The following CALN1 variants were observed in gnomAD, a reference collection of about 807,000 sequenced individuals.
The protein encoded by CALN1 is calcium-binding protein 8.
CALN1 carries 17 observed loss-of-function variants against 30.6 expected under a neutral mutation model. The observed-to-expected ratio is 0.56, with a 90% confidence interval of 0.38 to 0.83. The LOEUF (loss-of-function observed/expected upper bound fraction) is 0.83. Among genes scored for constraint, CALN1 ranks in the 40% least tolerant of loss-of-function variants. CALN1 has a pLI of 0.00. For synonymous variants in CALN1, 156 were observed against 131.4 expected, an observed-to-expected ratio of 1.19 and a Z score of -1.28; for missense variants, 291 against 354.9, an observed-to-expected ratio of 0.82 and a Z score of 1.45.
chr7:72,075,733 G>A (rs533781319), intron 4 of CALN1, among the ~76,000 whole-genome samples: 3 of 152,302 alleles, frequency 2.0e-5, no homozygotes, highest in African/African-American at 7.2e-5. Context: ...GCTTCTCACT[G>A]TCAAGTTTGC....
chr7:71,789,279 T>A (rs1030069459), intron 6 of CALN1, among the ~76,000 whole-genome samples: 4 of 152,146 alleles, frequency 2.6e-5, no homozygotes, highest in Admixed American at 2.6e-4. Context: ...TAGCTGGGTA[T>A]GGTGGCACAT....
At chr7:72,280,031 G>C (rs901746885) in intron 2 of CALN1, among the ~76,000 whole-genome samples, 2 of 152,212 alleles carry the variant, frequency 1.3e-5, no homozygotes, top group Non-Finnish European at 2.9e-5. Context: ...GTTAGTGACA[G>C]AAGTTGTTCT....
chr7:72,200,051 T>C (rs1455484730), intron 3 of CALN1, among the ~76,000 whole-genome samples: 1 of 152,220 alleles, frequency 6.6e-6, no homozygotes, highest in Non-Finnish European at 1.5e-5. Context: ...GCAGCTTCTA[T>C]GGCAGTCTGC....
intron 2 of CALN1, chr7:72,336,761 G>C (rs1199502160): frequency 3.0e-6 from 3 of 985,224 alleles, no homozygotes; most frequent in Non-Finnish European, 3.6e-6. Flanking sequence ...CACAGCGCGG[G>C]GGGCTTCCTC....
the CALN1 span, among the ~76,000 whole-genome samples, chr7:72,460,715 C>T: frequency 6.6e-6 from 1 of 152,138 alleles, no homozygotes; most frequent in African/African-American, 2.4e-5. Flanking sequence ...ACATTGTATA[C>T]ATCTCGAGTG....
chr7:72,015,406 G>A (rs1800318889), intron 5 of CALN1, among the ~76,000 whole-genome samples: 1 of 152,026 alleles, frequency 6.6e-6, no homozygotes, highest in Admixed American at 6.6e-5. Flanking sequence ...TAATAGGTGG[G>A]GCCCAGGAGT....
At chr7:71,976,395 T>C (rs1798104312) in intron 5 of CALN1, among the ~76,000 whole-genome samples, 1 of 152,212 alleles carries the variant, frequency 6.6e-6, no homozygotes, top group Non-Finnish European at 1.5e-5. Flanking sequence ...TTCCCAGCAC[T>C]GAGCCTGGCT....
In CALN1 at chr7:72,296,980, G is replaced by A. The variant is rs560373269; in HGVS notation, c.120-18170C>T. ...TGTCAATTTTGGATCTTTTGAATGTGTTTGCTCTTGCTTTTCTAGTTCTTT... is the reference window on the plus strand; with the variant it reads ...TGTCAATTTTGGATCTTTTGAATGTATTTGCTCTTGCTTTTCTAGTTCTTT... On this transcript the variant is annotated intron_variant, in intron 2 of 6. Coordinates refer to ENST00000395275, the MANE Select transcript of CALN1 (RefSeq NM_031468.4). Among the ~76,000 whole-genome samples, 6 of 151,926 alleles carry A rather than the reference G, an allele frequency of 3.9e-5. No individual in the cohort carries two copies. The South Asian group carries it at 1.2e-3, about 32-fold the overall frequency.
chr7:72,421,925 C>T (rs1807626611), intron 1 of CALN1, among the ~76,000 whole-genome samples: 1 of 152,104 alleles, frequency 6.6e-6, no homozygotes, highest in Non-Finnish European at 1.5e-5. Context: ...TAATGGCCTC[C>T]AGTTCCATCC....
At chr7:72,218,457 A>C (rs1314394060) in intron 3 of CALN1, among the ~76,000 whole-genome samples, 3 of 151,960 alleles carry the variant, frequency 2.0e-5, no homozygotes, top group Non-Finnish European at 4.4e-5. Context: ...CAAAAAATAA[A>C]ATAAAATAAA....
chr7:72,454,439 C>CA, the CALN1 span, among the ~76,000 whole-genome samples: 6 of 151,764 alleles, frequency 4.0e-5, no homozygotes, highest in Non-Finnish European at 8.8e-5. Context: ...GGGCTGTCTG[C>CA]AAAAAAACAG....
intron 5 of CALN1, among the ~76,000 whole-genome samples, chr7:71,980,589 C>T (rs1220202305): frequency 6.6e-6 from 1 of 152,166 alleles, no homozygotes; most frequent in African/African-American, 2.4e-5. Context: ...TCAAGTAACT[C>T]AGGATCTAGC....
chr7:71,929,350 C>T (rs1795432018), intron 5 of CALN1, among the ~76,000 whole-genome samples: 1 of 152,160 alleles, frequency 6.6e-6, no homozygotes, highest in African/African-American at 2.4e-5. Context: ...TCTCATCATT[C>T]AGCTCCCACT....
At chr7:72,176,093 C>T (rs960431799) in intron 3 of CALN1, among the ~76,000 whole-genome samples, 3 of 152,200 alleles carry the variant, frequency 2.0e-5, no homozygotes, top group Admixed American at 6.5e-5. Context: ...AGCTCTTCCA[C>T]CCTGAACCCT....
chr7:72,388,261 T>A (rs1216445404), intron 2 of CALN1, among the ~76,000 whole-genome samples: 1 of 152,006 alleles, frequency 6.6e-6, no homozygotes, highest in African/African-American at 2.4e-5. Context: ...AAAAATAAAA[T>A]ACAATTTTTT....
chr7:72,440,428 G>T (rs919567535), intron 1 of CALN1, among the ~76,000 whole-genome samples: 2 of 152,228 alleles, frequency 1.3e-5, no homozygotes, highest in Non-Finnish European at 2.9e-5. Context: ...GCTCATGTCT[G>T]TAATCTCAAT....
At chr7:72,388,997 G>A (rs984558267) in intron 2 of CALN1, among the ~76,000 whole-genome samples, 7 of 152,160 alleles carry the variant, frequency 4.6e-5, no homozygotes, top group African/African-American at 9.7e-5. Context: ...AGCAGGCCAC[G>A]TCCATCCTCT....
chr7:71,909,927 C>T (rs1429117630), intron 5 of CALN1, among the ~76,000 whole-genome samples: 1 of 152,186 alleles, frequency 6.6e-6, no homozygotes, highest in Non-Finnish European at 1.5e-5. Flanking sequence ...GTTTAATGGA[C>T]TCACAGTTCA....
intron 5 of CALN1, among the ~76,000 whole-genome samples, chr7:71,864,215 C>A (rs1290541781): frequency 6.6e-6 from 1 of 152,158 alleles, no homozygotes; most frequent in Admixed American, 6.5e-5. Context: ...TCTTTTATAA[C>A]CTCCTTCACT....
Sources: allele counts gnomAD v4.1 joint callset (sites outside exome capture counted in the v4.1 genomes callset), GRCh38; gene constraint gnomAD v4.1.1; transcripts MANE v1.5; gene names NCBI Gene and HGNC (gene_info 2026-07-23, HGNC 2026-07-21).